Variants in RBFOX3 observed in about 807,000 individuals in gnomAD.
RBFOX3 encodes the protein RNA binding protein fox-1 homolog 3.
A neutral mutation model predicts 48.7 loss-of-function variants in RBFOX3; 17 were observed. The observed-to-expected ratio is 0.35, with a 90% CI of 0.24 to 0.52. The LOEUF (loss-of-function observed/expected upper bound fraction) is 0.52, where lower values mean the gene tolerates loss of function less well. Ranked by LOEUF, RBFOX3 falls within the 20% of genes least tolerant of loss-of-function variation. RBFOX3 has a pLI of 0.94. For synonymous variants in RBFOX3, 212 were observed against 209.5 expected, an observed-to-expected ratio of 1.01 and a Z score of -0.10; for missense variants, 382 against 497.5, an observed-to-expected ratio of 0.77 and a Z score of 2.21.
the RBFOX3 span, among the ~76,000 whole-genome samples, chr17:79,625,226 G>A: frequency 2.0e-5 from 3 of 152,180 alleles, no homozygotes; most frequent in East Asian, 5.8e-4. Flanking sequence ...ACATGAGTTT[G>A]CCTTTTCTGG....
intron 2 of RBFOX3, among the ~76,000 whole-genome samples, chr17:79,425,385 T>C (rs1827249635): frequency 6.6e-6 from 1 of 151,750 alleles, no homozygotes; most frequent in African/African-American, 2.4e-5. Flanking sequence ...ACCCACAGTG[T>C]GTAGCCAAGC....
chr17:79,317,104 G>A (rs557800436), intron 2 of RBFOX3, among the ~76,000 whole-genome samples: 1 of 152,282 alleles, frequency 6.6e-6, no homozygotes, highest in African/African-American at 2.4e-5. Flanking sequence ...GCTCCCTCAT[G>A]GAACACTCCT....
chr17:79,401,275 C>T (rs2062771533), intron 2 of RBFOX3, among the ~76,000 whole-genome samples: 1 of 152,234 alleles, frequency 6.6e-6, no homozygotes, highest in Non-Finnish European at 1.5e-5. Context: ...GGAGCCACGC[C>T]CCTGCGCACG....
chr17:79,215,183 C>T (rs560453543), intron 4 of RBFOX3, among the ~76,000 whole-genome samples: 12 of 152,308 alleles, frequency 7.9e-5, no homozygotes, highest in East Asian at 3.9e-4. Context: ...TGCTGGCCCC[C>T]GCAGGGCTCC....
chr17:79,452,948 G>A (rs143082695), intron 2 of RBFOX3, among the ~76,000 whole-genome samples: 104 of 152,280 alleles, frequency 6.8e-4, no homozygotes, highest in Non-Finnish European at 9.7e-4. Flanking sequence ...CCTGGACCAC[G>A]TCTCCCCTCC....
At chr17:79,607,391 T>TCTGGG (rs1275580556) in intron 1 of RBFOX3, among the ~76,000 whole-genome samples, 3 of 152,056 alleles carry the variant, frequency 2.0e-5, no homozygotes, top group Non-Finnish European at 2.9e-5. Context: ...ACTTGCAGGC[T>TCTGGG]CTGGGCTGGG....
chr17:79,340,398 C>A (rs796760571), intron 2 of RBFOX3, among the ~76,000 whole-genome samples: 21 of 152,320 alleles, frequency 1.4e-4, no homozygotes, highest in African/African-American at 4.6e-4. Flanking sequence ...GCCCCACCTC[C>A]CAGAAGTGAA....
At chr17:79,572,844 C>A (rs1053667255) in intron 1 of RBFOX3, among the ~76,000 whole-genome samples, 2 of 152,186 alleles carry the variant, frequency 1.3e-5, no homozygotes, top group African/African-American at 4.8e-5. Flanking sequence ...GCCACCCGTG[C>A]TGCCCTGAGG....
At chr17:79,523,733 T>G (rs945658099) in intron 1 of RBFOX3, among the ~76,000 whole-genome samples, 1 of 152,002 alleles carries the variant, frequency 6.6e-6, no homozygotes, top group East Asian at 1.9e-4. Flanking sequence ...CCCCGTGGGG[T>G]AGAAGGAGAT....
At chr17:79,442,284 A>G (rs1326486609) in intron 2 of RBFOX3, among the ~76,000 whole-genome samples, 1 of 19,702 alleles carries the variant, frequency 5.1e-5, no homozygotes, top group Non-Finnish European at 9.9e-5. Context: ...AGAGAGAGGG[A>G]GAGAGGGAGG....
At position 79,115,532 on chromosome 17, in the gene RBFOX3, C is replaced by T. The variant is rs2033670420; in HGVS notation, c.184G>A (p.Ala62Thr). 5.2e-6 allele frequency: 7 copies of T among 1,345,816 alleles called. No homozygotes were observed. The highest frequency in any genetic ancestry group is 7.2e-5 in the Admixed American group (2 of 27,852). The allele number at this position is 1,345,816 out of a possible 1,614,324, so 83.4% of individuals were successfully genotyped here. A position where few individuals can be genotyped will look rare whatever the true frequency, so the allele number is the denominator to read the frequency against. ...QTHPEQPGSE[A>T]STQPIAGTQT... ...GTCCCGGCGATGGGCTGTGTGCTGG[C>T]CTCGGAGCCTGGCTGCTCGGGGTGG... The change falls in exon 5 of 15, where the codon GCC becomes ACC. Residue 62 changes from alanine to threonine, a missense_variant. Coordinates refer to ENST00000693108, the MANE Select transcript of RBFOX3 (RefSeq NM_001350451.2).
intron 2 of RBFOX3, among the ~76,000 whole-genome samples, chr17:79,404,064 C>T (rs1395041530): frequency 2.0e-5 from 3 of 152,224 alleles, no homozygotes; most frequent in Non-Finnish European, 2.9e-5. Flanking sequence ...AGGCGTGAAC[C>T]ACCACACCCG....
At chr17:79,411,150 C>T (rs146589043) in intron 2 of RBFOX3, among the ~76,000 whole-genome samples, 2 of 152,284 alleles carry the variant, frequency 1.3e-5, no homozygotes, top group South Asian at 2.1e-4. Flanking sequence ...CCGACGGAGC[C>T]GATGCTGTCA....
intron 4 of RBFOX3, among the ~76,000 whole-genome samples, chr17:79,160,144 T>C (rs2707026): frequency 0.98 from 148,996 of 152,352 alleles, 72,900 homozygotes; most frequent in East Asian, 1. Context: ...TGTGAGTAGA[T>C]GAAGCTGGGG....
At chr17:79,148,369 C>CA (rs1422674991) in intron 4 of RBFOX3, among the ~76,000 whole-genome samples, 7 of 152,192 alleles carry the variant, frequency 4.6e-5, no homozygotes, top group African/African-American at 1.7e-4. Context: ...TCTAGAAGCT[C>CA]AAACATGCCC....
intron 1 of RBFOX3, among the ~76,000 whole-genome samples, chr17:79,592,983 G>A (rs1255121594): frequency 6.6e-6 from 1 of 152,008 alleles, no homozygotes; most frequent in African/African-American, 2.4e-5. Flanking sequence ...ACCACAGTCT[G>A]CTTAGTGGCA....
At chr17:79,095,691 A>T in intron 12 of RBFOX3, 117 bp from the exon 13 acceptor site, 1 of 852,980 alleles carries the variant, frequency 1.2e-6, no homozygotes, top group Non-Finnish European at 1.8e-6. Flanking sequence ...GGGACTACAG[A>T]CCTTCCCAGC....
chr17:79,631,088 G>A, the RBFOX3 span, among the ~76,000 whole-genome samples: 4 of 152,142 alleles, frequency 2.6e-5, no homozygotes, highest in Non-Finnish European at 5.9e-5. Flanking sequence ...ATTAACCAGG[G>A]TGATTTCTAA....
chr17:79,287,059 T>C (rs1048679434), intron 3 of RBFOX3, among the ~76,000 whole-genome samples: 2 of 152,354 alleles, frequency 1.3e-5, no homozygotes, highest in East Asian at 3.9e-4. Flanking sequence ...CTCGAGGGGC[T>C]CACACCGGGG....
Sources: gnomAD v4.1 joint callset for allele counts (sites outside exome capture counted in the v4.1 genomes callset) on GRCh38, gnomAD v4.1.1 for gene constraint, MANE v1.5 for transcripts, NCBI Gene and HGNC (gene_info 2026-07-23, HGNC 2026-07-21) for gene names.